CDC16: variants seen among roughly 807,000 people sequenced by gnomAD.
CDC16 encodes cell division cycle protein 16 homolog.
Under a neutral mutation model 87.0 loss-of-function variants are expected in CDC16, and 34 were observed. The ratio of observed to expected loss-of-function variants is 0.39; its 90% CI spans 0.30 to 0.52. The LOEUF is 0.52. Ranked by LOEUF, CDC16 falls within the 20% of genes least tolerant of loss-of-function variation. The pLI is 0.74. For synonymous variants in CDC16, 263 were observed against 260.6 expected (o/e 1.01, Z -0.09); for missense variants, 653 against 751.9 (o/e 0.87, Z 1.54).
chr13:114,254,244 CAA>C (rs1369766904), intron 12 of CDC16, among the ~76,000 whole-genome samples: 2 of 152,040 alleles, frequency 1.3e-5, no homozygotes, highest in African/African-American at 2.4e-5. Context: ...TAATTACTAA[CAA>C]GATAGGATTT....
intron 12 of CDC16, among the ~76,000 whole-genome samples, chr13:114,251,966 CCTACACTAGCCCTG>C (rs1566659216): frequency 6.2e-4 from 94 of 150,712 alleles, no homozygotes; most frequent in African/African-American, 2.2e-3. Flanking sequence ...GGATAAGAGC[CCTACACTAGCCCTG>C]TTGGATAAGA....
In CDC16 at chr13:114,243,346, AAAGT is replaced by A; in HGVS notation, c.633+5_633+8del. 6.8e-7 allele frequency: 1 copy of A among 1,473,016 alleles called. No homozygotes were observed. The highest frequency in any genetic ancestry group is 9.5e-7 in the Non-Finnish European group (1 of 1,052,228). 91.2% of individuals were successfully genotyped at this position (1,473,016 alleles called of 1,614,324 possible). The stretch of plus-strand genomic sequence containing the variant: ...TTTTCTATTTGAGAACAAATTGAAA[AAAGT>A]AAGTAAAACCAAAGAGTTAGCACTT... On this transcript the variant is annotated splice_donor_variant and coding_sequence_variant, in exon 7 of 18. Coordinates refer to ENST00000356221, the MANE Select transcript of CDC16 (RefSeq NM_001078645.3). LOFTEE classifies it high-confidence loss of function.
intron 6 of CDC16, among the ~76,000 whole-genome samples, chr13:114,242,997 C>T (rs1387360524): frequency 6.6e-6 from 1 of 152,092 alleles, no homozygotes; most frequent in Non-Finnish European, 1.5e-5. Flanking sequence ...GTCAGGAGTG[C>T]GGAGGCTGGT....
At position 114,239,370 on chromosome 13, in the gene CDC16, G is replaced by T; in HGVS notation, c.261G>T (p.Gln87His). The change falls in exon 5 of 18, where the codon CAG becomes CAT. Residue 87 changes from glutamine (Q) to histidine (H), a missense_variant. Coordinates refer to ENST00000356221, the MANE Select transcript of CDC16 (RefSeq NM_001078645.3). ...ARCHYAAKEH[Q>H]QALDVLDMEE... The stretch of plus-strand genomic sequence containing the variant: ...CGTAGTATGCTGCAAAAGAGCACCA[G>T]CAGGCCCTTGATGTTCTTGACATGG... The T allele has an allele frequency of 6.2e-7, 1 of 1,608,742 alleles. No homozygotes were observed. Among genetic ancestry groups the T allele is most frequent in the South Asian group, 1.1e-5 (1 of 90,850 alleles).
intron 5 of CDC16, among the ~76,000 whole-genome samples, chr13:114,241,364 G>T (rs1188005133): frequency 6.6e-6 from 1 of 152,224 alleles, no homozygotes; most frequent in African/African-American, 2.4e-5. Context: ...TTGAACTCAG[G>T]TCTGTGCTGC....
chr13:114,269,849 C>T (rs996878024), intron 17 of CDC16, among the ~76,000 whole-genome samples: 6 of 152,132 alleles, frequency 3.9e-5, no homozygotes, highest in South Asian at 2.1e-4. Context: ...GGATTACAGG[C>T]GCATGCCACC....
intron 3 of CDC16, 42 bp from the exon 4 acceptor site, chr13:114,238,948 A>G (rs745344268): frequency 3.8e-6 from 6 of 1,584,892 alleles, no homozygotes; most frequent in African/African-American, 2.7e-5. Context: ...GAAGATACAT[A>G]TTATTTTGAC....
chr13:114,260,563 T>C (rs747580163), intron 14 of CDC16, among the ~76,000 whole-genome samples: 7 of 152,212 alleles, frequency 4.6e-5, no homozygotes, highest in Non-Finnish European at 8.8e-5. Flanking sequence ...AGAAGCACTT[T>C]CCTAAACCAT....
At position 114,272,352 on chromosome 13, in the gene CDC16, A is replaced by G; in HGVS notation, c.1772A>G (p.Asp591Gly). 1 of 1,614,172 alleles carries G rather than the reference A, an allele frequency of 6.2e-7. No individual in the cohort carries two copies. The highest frequency in any genetic ancestry group is 2.2e-5 in the East Asian group (1 of 44,892). The change falls in exon 18 of 18, where the codon GAT becomes GGT. Residue 591 changes from aspartate (D) to glycine (G), a missense_variant. Physicochemically the swap from Asp to Gly is moderately conservative, Grantham distance 94. Coordinates refer to ENST00000356221, the MANE Select transcript of CDC16 (RefSeq NM_001078645.3). ...TPLETSRKTP[D>G]SRPSLEETFE... is the part of the protein sequence containing the mutation. ...TTGGAAACCTCAAGGAAAACTCCAG[A>G]TTCCAGACCTTCCTTGGAAGAAACC...
chr13:114,243,790 A>T, intron 7 of CDC16, 66 bp from the exon 8 acceptor site: 1 of 1,392,330 alleles, frequency 7.2e-7, no homozygotes, highest in South Asian at 1.3e-5. Flanking sequence ...GCCAAACACA[A>T]ATTGAATCCA....
rs1285562582 is a variant in CDC16, at chr13:114,259,350, A to G, written c.1266A>G (p.Glu422=). The change falls in exon 14 of 18, where the codon GAA becomes GAG. Residue 422 remains glutamate (E), a synonymous_variant. Coordinates refer to ENST00000356221, the MANE Select transcript of CDC16 (RefSeq NM_001078645.3). ...AFQNGEWKTA[E]KWFLDALEKI... is the part of the protein sequence containing the mutation. The stretch of plus-strand genomic sequence containing the variant: ...TTCATTTTAGATGGAAAACAGCCGA[A>G]AAATGGTTTCTTGATGCTTTGGAAA... 1.9e-6 allele frequency: 3 copies of G among 1,574,308 alleles called. No homozygotes were observed. The highest frequency in any genetic ancestry group is 1.7e-4 in the Middle Eastern group (1 of 5,936).
At chr13:114,271,827 C>A (rs997299115) in intron 17 of CDC16, among the ~76,000 whole-genome samples, 1 of 152,152 alleles carries the variant, frequency 6.6e-6, no homozygotes, top group Non-Finnish European at 1.5e-5. Flanking sequence ...AAGTTGTCCA[C>A]AGGCCTCATA....
intron 12 of CDC16, among the ~76,000 whole-genome samples, chr13:114,256,729 A>G (rs1390355447): frequency 6.6e-6 from 1 of 152,232 alleles, no homozygotes; most frequent in East Asian, 1.9e-4. Context: ...AATGGTGGTG[A>G]GTAAATAAGA....
chr13:114,271,608 G>A (rs1342673826), intron 17 of CDC16, among the ~76,000 whole-genome samples: 6 of 151,846 alleles, frequency 4.0e-5, no homozygotes, highest in Non-Finnish European at 8.8e-5. Flanking sequence ...CTGAGTAGCT[G>A]GGACTACAGG....
intron 15 of CDC16, 30 bp from the exon 16 acceptor site, chr13:114,262,849 T>C: frequency 1.2e-6 from 2 of 1,613,310 alleles, no homozygotes; most frequent in South Asian, 1.1e-5. Flanking sequence ...GTGCTTTTAC[T>C]GTAGCCAATA....
intron 17 of CDC16, among the ~76,000 whole-genome samples, chr13:114,266,314 C>G (rs1251185092): frequency 1.3e-5 from 2 of 152,176 alleles, no homozygotes; most frequent in Non-Finnish European, 2.9e-5. Flanking sequence ...CCGAGGCTGT[C>G]AGAAATTACC....
intron 16 of CDC16, among the ~76,000 whole-genome samples, chr13:114,263,256 C>G (rs1326627359): frequency 2.0e-5 from 3 of 152,198 alleles, no homozygotes; most frequent in Non-Finnish European, 2.9e-5. Context: ...CAGTGGCACT[C>G]ACCAGTGATC....
chr13:114,235,623 CAGAG>C lies in CDC16; in HGVS notation c.48+494_48+497del, dbSNP rs554450614. On this transcript the variant is annotated intron_variant, in intron 1 of 17. Coordinates refer to ENST00000356221, the MANE Select transcript of CDC16 (RefSeq NM_001078645.3). Reference sequence around the variant, plus strand: ...TGTTCTCTGCACTACCTTTGAATAGCAGAGAGCGTTTAAGGCAAGAAGTGTCTTC... The same window carrying C: ...TGTTCTCTGCACTACCTTTGAATAGCAGCGTTTAAGGCAAGAAGTGTCTTC... 1.6e-4 allele frequency among the ~76,000 whole-genome samples: 25 copies of C among 152,308 alleles called. No homozygotes were observed. The South Asian group carries it at 5.0e-3, about 30-fold the overall frequency.
At chr13:114,266,805 C>T (rs1316549393) in intron 17 of CDC16, among the ~76,000 whole-genome samples, 1 of 152,054 alleles carries the variant, frequency 6.6e-6, no homozygotes, top group African/African-American at 2.4e-5. Flanking sequence ...ATGCCATTCT[C>T]CTGCCTCAGC....
Sources: gnomAD v4.1 joint callset for allele counts (sites outside exome capture counted in the v4.1 genomes callset) on GRCh38, gnomAD v4.1.1 for gene constraint, MANE v1.5 for transcripts, NCBI Gene and HGNC (gene_info 2026-07-23, HGNC 2026-07-21) for gene names.